MTMR14: variants seen among roughly 807,000 people sequenced by gnomAD.
MTMR14 encodes myotubularin related protein 14.
A neutral mutation model predicts 86.3 loss-of-function variants in MTMR14; 48 were observed. The ratio of observed to expected loss-of-function variants is 0.56; its 90% CI spans 0.44 to 0.71. The LOEUF (loss-of-function observed/expected upper bound fraction) is 0.71. MTMR14 is among the 30% of genes least tolerant of loss of function. The probability of loss-of-function intolerance (pLI) is 0.00; values close to 1 mark genes in which losing one functional copy is unlikely to be tolerated. For missense variants in MTMR14, 780 were observed against 834.6 expected (o/e 0.93, Z 0.81); for synonymous variants, 366 against 326.1 (o/e 1.12, Z -1.32).
chr3:9,662,826 C>T (rs1007455491), intron 3 of MTMR14, among the ~76,000 whole-genome samples: 1 of 152,142 alleles, frequency 6.6e-6, no homozygotes, highest in Admixed American at 6.5e-5. Flanking sequence ...AATACATCAC[C>T]ATGTAAAGCA....
rs567213232 is a variant in MTMR14 at position 9,662,257 on chromosome 3, T to C, written c.309-10T>C. 6.2e-7 allele frequency: 1 copy of C among 1,611,960 alleles called. No individual in the cohort carries two copies. On this transcript the variant is annotated splice_polypyrimidine_tract_variant and intron_variant, in intron 2 of 18. Transcript: ENST00000296003. The stretch of plus-strand genomic sequence containing the variant: ...GTCAGCTTGACCTGCTTCTCTTGCC[T>C]GTGTGTTAGGTTTGAGAGTACCGTA...
intron 13 of MTMR14, among the ~76,000 whole-genome samples, chr3:9,686,695 A>G (rs1245550096): frequency 6.6e-6 from 1 of 152,236 alleles, no homozygotes; most frequent in Non-Finnish European, 1.5e-5. Flanking sequence ...CGACCTGGGC[A>G]GCCCTCTCCT....
At chr3:9,665,960 C>A (rs752658623) in intron 3 of MTMR14, among the ~76,000 whole-genome samples, 4 of 151,854 alleles carry the variant, frequency 2.6e-5, no homozygotes, top group Non-Finnish European at 5.9e-5. Flanking sequence ...ATCTCCTGAC[C>A]TCGTGATCCG....
chr3:9,700,764 C>G (rs911229388), intron 18 of MTMR14: 2 of 152,128 alleles, frequency 1.3e-5, no homozygotes, highest in African/African-American at 2.4e-5. Context: ...AGGGCAATAG[C>G]TTCCTCCTAA....
At chr3:9,682,051 T>C (rs1280492703) in intron 9 of MTMR14, among the ~76,000 whole-genome samples, 1 of 152,212 alleles carries the variant, frequency 6.6e-6, no homozygotes, top group Non-Finnish European at 1.5e-5. Flanking sequence ...CTCACTGGGC[T>C]TGGTACAGTG....
Position 9,701,968 on chromosome 3 carries a change from T to C in MTMR14, c.1948T>C (p.Leu650=). ...ACTCCGGAGCATCAGCAGCAATGCC[T>C]TGTGAAGAAGCCAGCCCATGACATT... The part of the protein sequence containing the change: ...VGLRSISSNA[L] Residue 650 remains leucine, a synonymous_variant, in exon 19 of 19, where the codon TTG becomes CTG. Coordinates refer to ENST00000296003, the MANE Select transcript of MTMR14 (RefSeq NM_001077525.3). The surrounding 1 kb of genome is among the most constrained non-coding windows in gnomAD (Gnocchi z 4.2). 6.2e-7 allele frequency: 1 copy of C among 1,614,126 alleles called. No homozygotes were observed. The highest frequency in any genetic ancestry group is 2.2e-5 in the East Asian group (1 of 44,884).
chr3:9,662,514 A>T lies in MTMR14; in HGVS notation c.417+139A>T, dbSNP rs1350994334. 5 of 743,608 alleles carry T rather than the reference A, an allele frequency of 6.7e-6. No homozygotes were observed. In the East Asian group the frequency reaches 1.4e-4, roughly 20 times the overall value. 46.1% of individuals were successfully genotyped at this position (743,608 alleles called of 1,614,324 possible). On this transcript the variant is annotated intron_variant, in intron 3 of 18. Coordinates refer to ENST00000296003, the MANE Select transcript of MTMR14 (RefSeq NM_001077525.3). ...TACTGGGTGTTGTGGGAAGCAGTCC[A>T]GAGAAACAGACCAATTCTGACTGAA...
At chr3:9,683,059 C>T in intron 9 of MTMR14, 119 bp from the exon 10 acceptor site, 1 of 840,938 alleles carries the variant, frequency 1.2e-6, no homozygotes, top group Admixed American at 2.2e-5. Flanking sequence ...AACCTATGGT[C>T]TGTAACCAAG....
chr3:9,677,993 G>GATGCCCCATTGAGC lies in MTMR14; in HGVS notation c.835_848dup (p.Ile283MetfsTer4), dbSNP rs778219592. On this transcript the variant is annotated frameshift_variant, in exon 9 of 19. Coordinates refer to ENST00000296003, the MANE Select transcript of MTMR14 (RefSeq NM_001077525.3). LOFTEE classifies it high-confidence loss of function. This position sits in a 1 kb window ranked among gnomAD's most constrained non-coding sequence, Gnocchi z 4.2. ...GTCTTTCTGTCCCCAGGACTACGTT[G>GATGCCCCATTGAGC]ATGCCCCATTGAGCATCCCCGACTT... 6.2e-7 allele frequency: 1 copy of GATGCCCCATTGAGC among 1,614,044 alleles called. No individual in the cohort carries two copies. The highest frequency in any genetic ancestry group is 1.1e-5 in the South Asian group (1 of 91,044).
At chr3:9,686,534 C>A (rs1274001756) in intron 13 of MTMR14, among the ~76,000 whole-genome samples, 4 of 152,232 alleles carry the variant, frequency 2.6e-5, no homozygotes, top group African/African-American at 9.6e-5. Context: ...CAAAAAACCC[C>A]AGGCCTATTA....
intron 1 of MTMR14, chr3:9,650,427 T>C (rs925685005): frequency 6.6e-6 from 3 of 454,922 alleles, no homozygotes; most frequent in African/African-American, 6.0e-5. Context: ...GACCCTGCCA[T>C]CTCATTCCCC....
Position 9,697,722 on chromosome 3 carries a change from A to G in MTMR14, c.1625A>G (p.His542Arg), listed in dbSNP as rs371144090. The stretch of plus-strand genomic sequence containing the variant: ...CCTCTCTGCCCCAGATCAGTGGACC[A>G]TCCCCTGCCCGGATCCTCTCTCTCC... ...LEVPKPRSVD[H>R]PLPGSSLSTD... The change falls in exon 18 of 19, where the codon CAT becomes CGT. Residue 542 changes from histidine (H) to arginine (R), a missense_variant. Coordinates refer to ENST00000296003, the MANE Select transcript of MTMR14 (RefSeq NM_001077525.3). 1 of 1,613,860 alleles carries G rather than the reference A, an allele frequency of 6.2e-7. No individual in the cohort carries two copies. Among genetic ancestry groups the G allele is most frequent in the Non-Finnish European group, 8.5e-7 (1 of 1,179,990 alleles).
chr3:9,672,635 GTT>G, intron 6 of MTMR14, 48 bp from the exon 7 acceptor site: 1 of 1,467,454 alleles, frequency 6.8e-7, no homozygotes, highest in Non-Finnish European at 9.6e-7. Context: ...AATGGTGTGT[GTT>G]TGTGTGTGTG....
intron 17 of MTMR14, among the ~76,000 whole-genome samples, chr3:9,696,945 A>G (rs2076298780): frequency 6.6e-6 from 1 of 152,042 alleles, no homozygotes; most frequent in African/African-American, 2.4e-5. Flanking sequence ...ACTGCCCAGG[A>G]CAGAAGAGGG....
intron 2 of MTMR14, among the ~76,000 whole-genome samples, chr3:9,657,343 C>T (rs940441279): frequency 1.1e-4 from 17 of 152,128 alleles, no homozygotes; most frequent in Admixed American, 8.5e-4. Flanking sequence ...CCAAATGTTA[C>T]CCTTCAGTAA....
intron 10 of MTMR14, chr3:9,683,838 G>C (rs2075850089): frequency 6.4e-6 from 1 of 156,496 alleles, no homozygotes; most frequent in Non-Finnish European, 1.4e-5. Context: ...ATCTTTCTCT[G>C]TTTCTCAAAA....
intron 6 of MTMR14, among the ~76,000 whole-genome samples, chr3:9,672,162 G>A (rs2048598935): frequency 6.6e-6 from 1 of 152,200 alleles, no homozygotes; most frequent in African/African-American, 2.4e-5. Context: ...TCCACCTTTA[G>A]GCTCTGATTG....
chr3:9,649,911 C>G (rs907819746), intron 1 of MTMR14, among the ~76,000 whole-genome samples, 169 bp downstream of exon 1: 1 of 151,972 alleles, frequency 6.6e-6, no homozygotes. Flanking sequence ...AAGAGTCGGT[C>G]TTGACAACCA....
At chr3:9,674,533 A>G (rs2048748595) in intron 7 of MTMR14, among the ~76,000 whole-genome samples, 1 of 152,236 alleles carries the variant, frequency 6.6e-6, no homozygotes, top group Non-Finnish European at 1.5e-5. Flanking sequence ...CACGCCTTTA[A>G]TCTCAGCACT....
Sources: gnomAD v4.1 joint callset for allele counts (sites outside exome capture counted in the v4.1 genomes callset) on GRCh38, gnomAD v4.1.1 for gene constraint, Gnocchi (gnomAD v3.1) non-coding constraint, MANE v1.5 for transcripts, NCBI Gene and HGNC (gene_info 2026-07-23, HGNC 2026-07-21) for gene names.